The following WDPCP variants were observed in gnomAD, a reference collection of about 807,000 sequenced individuals.
WDPCP encodes the protein WD repeat-containing and planar cell polarity effector protein fritz homolog.
In WDPCP, 71 loss-of-function variants were observed where a neutral mutation model predicts 93.1. The observed-to-expected ratio is 0.76, with a 90% CI of 0.63 to 0.93. The LOEUF is 0.93. Ranked by LOEUF, WDPCP falls within the 40% of genes least tolerant of loss-of-function variation. The pLI is 0.00. For missense variants in WDPCP, 844 were observed against 887.4 expected, an observed-to-expected ratio of 0.95 and a Z score of 0.62; for synonymous variants, 315 against 315.0, an observed-to-expected ratio of 1.00 and a Z score of 0.00.
At chr2:63,793,672 T>C (rs757661201) in intron 2 of WDPCP, among the ~76,000 whole-genome samples, 2 of 152,138 alleles carry the variant, frequency 1.3e-5, no homozygotes, top group Non-Finnish European at 2.9e-5. Flanking sequence ...AAATCTATGA[T>C]CTTAATAGCT....
intron 3 of WDPCP, chr2:63,606,161 T>G: frequency 2.4e-6 from 2 of 837,234 alleles, no homozygotes; most frequent in Non-Finnish European, 4.0e-6. Flanking sequence ...GTGGCAAGAT[T>G]GCTTGAGCCC....
At chr2:63,273,240 T>C (rs1682794662) in intron 13 of WDPCP, among the ~76,000 whole-genome samples, 2 of 151,936 alleles carry the variant, frequency 1.3e-5, no homozygotes, top group African/African-American at 4.8e-5. Context: ...ACAAGAAATA[T>C]TTAAGGAAGT....
intron 2 of WDPCP, among the ~76,000 whole-genome samples, chr2:63,701,499 T>C (rs555542271): frequency 1.3e-5 from 2 of 152,366 alleles, no homozygotes; most frequent in East Asian, 1.9e-4. Context: ...TTTCTAGTTA[T>C]ATATAGCCAA....
intron 3 of WDPCP, among the ~76,000 whole-genome samples, chr2:63,623,043 A>G (rs181652378): frequency 9.1e-4 from 139 of 152,382 alleles, no homozygotes; most frequent in Non-Finnish European, 1.6e-3. Context: ...CAACATTCTT[A>G]AAGAAAAGAA....
chr2:63,559,472 G>C (rs879990508), intron 1 of WDPCP, among the ~76,000 whole-genome samples: 2 of 152,174 alleles, frequency 1.3e-5, no homozygotes, highest in Non-Finnish European at 2.9e-5. Context: ...AGGAAGAGAG[G>C]AAGTCAAACT....
intron 13 of WDPCP, among the ~76,000 whole-genome samples, chr2:63,265,805 T>C (rs1682059085): frequency 6.6e-6 from 1 of 152,148 alleles, no homozygotes; most frequent in South Asian, 2.1e-4. Context: ...TTAAAAAAGA[T>C]CATTCACCAT....
At chr2:63,335,008 C>A (rs1039501685) in intron 12 of WDPCP, among the ~76,000 whole-genome samples, 27 of 152,260 alleles carry the variant, frequency 1.8e-4, no homozygotes, top group Admixed American at 1.6e-3. Context: ...ATCCCTCTGC[C>A]CAACTGAGTG....
chr2:63,683,277 T>G (rs1444774495), intron 2 of WDPCP, among the ~76,000 whole-genome samples: 1 of 152,074 alleles, frequency 6.6e-6, no homozygotes, highest in Non-Finnish European at 1.5e-5. Flanking sequence ...TGGGCTATAC[T>G]CTTCAATAAA....
In WDPCP at chr2:63,174,819, G is replaced by A. The variant is rs1673679021; in HGVS notation, c.1929C>T (p.Pro643=). Residue 643 remains proline (P), a synonymous_variant, in exon 15 of 18, where the codon CCC becomes CCT. Coordinates refer to ENST00000272321, the MANE Select transcript of WDPCP (RefSeq NM_015910.7). ...CATTTAGCATATCCCCTCTGTCCAA[G>A]GGTCCCAGGAGTTCTGTTGAAAATG... is the stretch of plus-strand genomic sequence containing the variant. ...SITSGVELLG[P]LDRGDMLNEA... The A allele has an allele frequency of 6.2e-7, 1 of 1,613,632 alleles. No homozygotes were observed. The highest frequency in any genetic ancestry group is 1.3e-5 in the African/African-American group (1 of 74,872).
intron 1 of WDPCP, among the ~76,000 whole-genome samples, chr2:63,520,662 T>C (rs998652716): frequency 6.6e-6 from 1 of 152,072 alleles, no homozygotes; most frequent in Non-Finnish European, 1.5e-5. Flanking sequence ...GAGGCCAAGA[T>C]GGATGGATCA....
At chr2:63,677,289 A>G (rs1710413653) in intron 2 of WDPCP, among the ~76,000 whole-genome samples, 1 of 152,216 alleles carries the variant, frequency 6.6e-6, no homozygotes, top group African/African-American at 2.4e-5. Flanking sequence ...AGGATCACAA[A>G]TTATCTCTAT....
At chr2:63,326,382 G>A (rs1284458813) in intron 12 of WDPCP, among the ~76,000 whole-genome samples, 2 of 152,150 alleles carry the variant, frequency 1.3e-5, no homozygotes, top group Non-Finnish European at 2.9e-5. Flanking sequence ...GCAAAGGGCA[G>A]GTTATACCAT....
At chr2:63,306,380 A>T (rs1247550256) in intron 13 of WDPCP, among the ~76,000 whole-genome samples, 1 of 152,224 alleles carries the variant, frequency 6.6e-6, no homozygotes, top group East Asian at 1.9e-4. Flanking sequence ...CTCCTCCCTA[A>T]CTCATTTTAT....
chr2:63,337,898 A>G (rs775450514), intron 12 of WDPCP, among the ~76,000 whole-genome samples: 5 of 152,094 alleles, frequency 3.3e-5, no homozygotes, highest in Non-Finnish European at 5.9e-5. Context: ...CTGATTATTA[A>G]TCTCTTGTCA....
At chr2:63,368,329 T>A (rs919148915) in intron 12 of WDPCP, among the ~76,000 whole-genome samples, 1 of 147,688 alleles carries the variant, frequency 6.8e-6, no homozygotes, top group Admixed American at 6.7e-5. Context: ...TTTATTTATT[T>A]ATTTATTTAT....
At chr2:63,330,310 A>G (rs1456127334) in intron 12 of WDPCP, among the ~76,000 whole-genome samples, 1 of 151,894 alleles carries the variant, frequency 6.6e-6, no homozygotes, top group African/African-American at 2.4e-5. Context: ...TTGTGCTTTG[A>G]TTTTCATTTT....
chr2:63,190,045 A>T (rs138951655), intron 14 of WDPCP, among the ~76,000 whole-genome samples: 252 of 152,294 alleles, frequency 1.7e-3, no homozygotes, highest in African/African-American at 5.6e-3. Flanking sequence ...AAGATGAAGC[A>T]GACATAATCC....
intron 2 of WDPCP, among the ~76,000 whole-genome samples, chr2:63,664,709 T>TGA (rs1710264384): frequency 6.6e-6 from 1 of 152,136 alleles, no homozygotes; most frequent in Non-Finnish European, 1.5e-5. Flanking sequence ...GCTAAGATTA[T>TGA]GAGAGAGAAA....
At chr2:63,156,976 T>G (rs922699951) in intron 15 of WDPCP, among the ~76,000 whole-genome samples, 1 of 151,998 alleles carries the variant, frequency 6.6e-6, no homozygotes, top group Admixed American at 6.6e-5. Flanking sequence ...AGCTGTAGTA[T>G]TCTCTTTTTC....
Sources: gnomAD v4.1 joint callset for allele counts (sites outside exome capture counted in the v4.1 genomes callset) on GRCh38, gnomAD v4.1.1 for gene constraint, MANE v1.5 for transcripts, NCBI Gene and HGNC (gene_info 2026-07-23, HGNC 2026-07-21) for gene names.